The following MTUS2 variants were observed in gnomAD, a reference collection of about 807,000 sequenced individuals.
The protein encoded by MTUS2 is microtubule-associated tumor suppressor candidate 2.
Under a neutral mutation model 114.1 loss-of-function variants are expected in MTUS2, and 40 were observed. The ratio of observed to expected loss-of-function variants is 0.35; its 90% CI spans 0.27 to 0.46. The LOEUF is 0.46. Ranked by LOEUF, MTUS2 falls within the 20% of genes least tolerant of loss-of-function variation. MTUS2 has a pLI of 1.00. For missense variants in MTUS2, 1,679 were observed against 1,705.4 expected, an observed-to-expected ratio of 0.98 and a Z score of 0.27; for synonymous variants, 688 against 672.0, an observed-to-expected ratio of 1.02 and a Z score of -0.37.
At chr13:29,312,711 T>C (rs1899823361) in intron 6 of MTUS2, among the ~76,000 whole-genome samples, 1 of 152,234 alleles carries the variant, frequency 6.6e-6, no homozygotes, top group Admixed American at 6.5e-5. Flanking sequence ...TAGTTACTTA[T>C]TCACATGCTC....
At chr13:28,914,206 G>A (rs1415409588) in intron 2 of MTUS2, among the ~76,000 whole-genome samples, 1 of 151,820 alleles carries the variant, frequency 6.6e-6, no homozygotes, top group Non-Finnish European at 1.5e-5. Flanking sequence ...AATTTGAGAT[G>A]TTTCAGCTTT....
chr13:29,426,402 CG>C (rs1876531761), intron 8 of MTUS2, among the ~76,000 whole-genome samples: 3 of 152,170 alleles, frequency 2.0e-5, no homozygotes. Context: ...GTTACGCCAT[CG>C]TAAAGTGGAA....
intron 5 of MTUS2, among the ~76,000 whole-genome samples, chr13:29,104,615 A>G (rs1890577016): frequency 6.6e-6 from 1 of 152,214 alleles, no homozygotes; most frequent in African/African-American, 2.4e-5. Context: ...AAGTAGCCAC[A>G]GTTCCTGTGG....
chr13:29,088,292 T>C (rs1290537110), intron 4 of MTUS2, among the ~76,000 whole-genome samples: 1 of 21,274 alleles, frequency 4.7e-5, no homozygotes, highest in Non-Finnish European at 2.2e-4. Flanking sequence ...TTTAGAGTGA[T>C]CTTCTTGGTA....
intron 2 of MTUS2, among the ~76,000 whole-genome samples, chr13:28,925,060 C>G (rs999303346): frequency 1.3e-5 from 2 of 152,098 alleles, no homozygotes; most frequent in Admixed American, 6.5e-5. Flanking sequence ...GATCCTTTCT[C>G]TAATGCTAAG....
intron 3 of MTUS2, among the ~76,000 whole-genome samples, chr13:29,028,938 C>G (rs1886688500): frequency 6.6e-6 from 1 of 152,152 alleles, no homozygotes; most frequent in African/African-American, 2.4e-5. Flanking sequence ...AATTTGGACT[C>G]TAGCTTGGTT....
chr13:29,100,794 G>T lies in MTUS2; in HGVS notation c.2468G>T (p.Ser823Ile), dbSNP rs774743665. ...TTAGCAGATTTAAAGAAAGCTTCCA[G>T]TTCAAATGCTGCAAAATCCAATCTC... ...DPSADLKKAS[S>I]SNAAKSNLPK... Residue 823 changes from serine (S) to isoleucine (I), a missense_variant, in exon 5 of 16, where the codon AGT becomes ATT. Physicochemically the swap from Ser to Ile is moderately radical, Grantham distance 142. Transcript: ENST00000612955. 6.4e-6 allele frequency: 10 copies of T among 1,551,488 alleles called. No homozygotes were observed. The African/African-American group carries it at 1.4e-4, about 21-fold the overall frequency.
chr13:28,977,914 T>G (rs1884188169), intron 2 of MTUS2, among the ~76,000 whole-genome samples: 1 of 152,178 alleles, frequency 6.6e-6, no homozygotes. Context: ...AGCATCACAC[T>G]TTTTGCCAGC....
intron 3 of MTUS2, among the ~76,000 whole-genome samples, chr13:29,029,367 G>C (rs1886711009): frequency 6.6e-6 from 1 of 152,202 alleles, no homozygotes; most frequent in Non-Finnish European, 1.5e-5. Flanking sequence ...TCTGGCTTTA[G>C]GCAGTGGTCT....
intron 5 of MTUS2, among the ~76,000 whole-genome samples, chr13:29,230,657 A>G (rs1410363171): frequency 6.6e-6 from 1 of 152,252 alleles, no homozygotes; most frequent in Non-Finnish European, 1.5e-5. Context: ...TCAATTAAGC[A>G]TTATTTATTT....
At chr13:29,158,358 C>CCCCCCCCTCTTTCTTTT in intron 5 of MTUS2, among the ~76,000 whole-genome samples, 1 of 32,048 alleles carries the variant, frequency 3.1e-5, no homozygotes, top group Non-Finnish European at 5.1e-5. Flanking sequence ...GTCCACCCCG[C>CCCCCCCCTCTTTCTTTT]TTTTTTTTTT....
chr13:29,255,548 C>CA (rs1185566133), intron 5 of MTUS2, among the ~76,000 whole-genome samples: 2 of 152,174 alleles, frequency 1.3e-5, no homozygotes, highest in African/African-American at 4.8e-5. Context: ...AAGAAACATA[C>CA]ATAAGGACCA....
chr13:29,259,278 C>T (rs4130407), intron 5 of MTUS2, among the ~76,000 whole-genome samples: 2,727 of 152,222 alleles, frequency 0.018, 45 homozygotes, highest in Non-Finnish European at 0.027. Flanking sequence ...GCCTGGGTGG[C>T]TCCCTCATGA....
intron 4 of MTUS2, among the ~76,000 whole-genome samples, chr13:29,091,958 T>C (rs1416909110): frequency 3.3e-5 from 5 of 152,132 alleles, no homozygotes; most frequent in Admixed American, 3.3e-4. Flanking sequence ...AAGACCCCGG[T>C]GGAGGTGGTC....
intron 2 of MTUS2, among the ~76,000 whole-genome samples, chr13:28,878,908 T>C (rs970151122): frequency 1.5e-4 from 23 of 152,252 alleles, no homozygotes; most frequent in Admixed American, 1.4e-3. Flanking sequence ...ATCGCCACAC[T>C]GTCTTCTGCA....
rs79648810 is a variant in MTUS2 at position 29,238,535 on chromosome 13, T to C, written c.2645-43169T>C. On this transcript the variant is annotated intron_variant, in intron 5 of 15. Coordinates refer to ENST00000612955, the MANE Select transcript of MTUS2 (RefSeq NM_001033602.4). ...AAAAGCTCAAGAATTTGGAATGTGA[T>C]GTTTTGAGGGCAGGAAGCATACAGC... Among the ~76,000 whole-genome samples, 1,508 of 152,298 alleles carry C rather than the reference T, an allele frequency of 9.9e-3. 18 individuals are homozygous for C. The highest frequency in any genetic ancestry group is 0.035 in the African/African-American group (1,439 of 41,572).
intron 7 of MTUS2, among the ~76,000 whole-genome samples, chr13:29,326,923 T>A (rs1198227216): frequency 6.6e-6 from 1 of 152,152 alleles, no homozygotes; most frequent in Non-Finnish European, 1.5e-5. Flanking sequence ...GAGGTTGCAG[T>A]GAGCCAAGGT....
At chr13:29,502,434 G>A (rs1276282312) in intron 15 of MTUS2, among the ~76,000 whole-genome samples, 1 of 152,202 alleles carries the variant, frequency 6.6e-6, no homozygotes, top group East Asian at 1.9e-4. Flanking sequence ...CAGAGCCTTG[G>A]CCTCTGTCCT....
At chr13:28,891,144 G>A (rs567734445) in intron 2 of MTUS2, among the ~76,000 whole-genome samples, 2 of 152,286 alleles carry the variant, frequency 1.3e-5, no homozygotes, top group East Asian at 1.9e-4. Flanking sequence ...GAGGACATGT[G>A]GGATACGTTT....
Sources: gnomAD v4.1 joint callset for allele counts (sites outside exome capture counted in the v4.1 genomes callset) on GRCh38, gnomAD v4.1.1 for gene constraint, MANE v1.5 for transcripts, NCBI Gene and HGNC (gene_info 2026-07-23, HGNC 2026-07-21) for gene names.